Variants in HCCS observed in about 807,000 individuals in gnomAD.
HCCS encodes the protein holocytochrome c synthase, also known as holocytochrome c-type synthase.
In HCCS, 2 loss-of-function variants were observed where a neutral mutation model predicts 24.2. The ratio of observed to expected loss-of-function variants is 0.08; its 90% CI spans 0.03 to 0.26. The LOEUF (loss-of-function observed/expected upper bound fraction) is 0.26. Ranked by LOEUF, HCCS falls within the 10% of genes least tolerant of loss-of-function variation. The probability of loss-of-function intolerance (pLI) is 1.00; values close to 1 mark genes in which losing one functional copy is unlikely to be tolerated. For synonymous variants in HCCS, 73 were observed against 76.2 expected (o/e 0.96, Z 0.22); for missense variants, 150 against 213.3 (o/e 0.70, Z 1.85).
At chrX:11,116,306 A>G (rs772823586) in intron 3 of HCCS, 2 of 112,230 alleles carry the variant, frequency 1.8e-5, no homozygotes, top group African/African-American at 6.5e-5. Context: ...AGAGCTAAAG[A>G]TACTGAGAGT....
rs141046122 is a variant in HCCS, at chrX:11,117,758, A to G, written c.401+343A>G. 1.4e-3 allele frequency among the ~76,000 whole-genome samples: 153 copies of G among 112,026 alleles called. 1 individual carries two copies. Among genetic ancestry groups the G allele is most frequent in the Admixed American group, 3.4e-3 (36 of 10,576 alleles). ...GGAGACCGAGGAGAGCCGATGGCAC[A>G]CTTCTGGTCTGAAAGCCAGCGGTCT... On this transcript the variant is annotated intron_variant, in intron 4 of 6. Coordinates refer to ENST00000380762, the MANE Select transcript of HCCS (RefSeq NM_005333.5).
intron 5 of HCCS, among the ~76,000 whole-genome samples, chrX:11,120,353 G>A (rs1379380698): frequency 9.0e-6 from 1 of 111,609 alleles, no homozygotes; most frequent in East Asian, 2.8e-4. Flanking sequence ...AGGGGTCTGC[G>A]GGTAGAGGGA....
intron 2 of HCCS, among the ~76,000 whole-genome samples, chrX:11,112,856 T>C (rs2045421303): frequency 8.9e-6 from 1 of 112,135 alleles, no homozygotes; most frequent in African/African-American, 3.2e-5. Context: ...GAGAGGAAAG[T>C]GAATAGAGGG....
At chrX:11,119,822 C>T (rs771221272) in intron 5 of HCCS, among the ~76,000 whole-genome samples, 31 of 112,051 alleles carry the variant, frequency 2.8e-4, no homozygotes, top group African/African-American at 1.0e-3. Context: ...TAATTAAGAC[C>T]ACCTGCTAAT....
Position 11,119,229 on chromosome X carries a change from C to T in HCCS, c.521+609C>T, listed in dbSNP as rs148020912. Among the ~76,000 whole-genome samples, 173 of 111,884 alleles carry T rather than the reference C, an allele frequency of 1.5e-3. 1 individual carries two copies. The highest frequency in any genetic ancestry group is 9.3e-3 in the Middle Eastern group (2 of 214). The stretch of plus-strand genomic sequence containing the variant: ...TCTGCCCCAAGGGAGGTGGGAAAGA[C>T]ATTTTTGTTCCCTCAATAGCATTTA... On this transcript the variant is annotated intron_variant, in intron 5 of 6. Transcript: ENST00000380762.
intron 5 of HCCS, chrX:11,119,920 G>T: frequency 3.7e-6 from 1 of 271,489 alleles, no homozygotes; most frequent in Admixed American, 4.6e-5. Context: ...TTTTCTGGAC[G>T]GTCAAAATTA....
intron 5 of HCCS, chrX:11,120,159 C>A: frequency 4.3e-6 from 1 of 233,700 alleles, no homozygotes; most frequent in Non-Finnish European, 8.0e-6. Context: ...ATGGGAGCAG[C>A]TAACAATATA....
chrX:11,118,480 T>A, intron 4 of HCCS, 21 bp from the exon 5 acceptor site: 1 of 1,187,304 alleles, frequency 8.4e-7, no homozygotes, highest in Non-Finnish European at 1.1e-6. Context: ...TTGTCAAATT[T>A]TACCAAATAT....
In HCCS at chrX:11,121,005, C is replaced by A; in HGVS notation, c.608+12C>A. On this transcript the variant is annotated intron_variant, in intron 6 of 6. Coordinates refer to ENST00000380762, the MANE Select transcript of HCCS (RefSeq NM_005333.5). ...CGTTCCTGGATGGGGTGAGTGTCAG[C>A]GCAGAAGTGTTGTTTCACCATCCTC... 3.4e-6 allele frequency: 4 copies of A among 1,169,057 alleles called. No individual in the cohort carries two copies. The highest frequency in any genetic ancestry group is 4.7e-6 in the Non-Finnish European group (4 of 856,460).
At chrX:11,116,559 A>G (rs1255771312) in intron 3 of HCCS, among the ~76,000 whole-genome samples, 4 of 113,111 alleles carry the variant, frequency 3.5e-5, no homozygotes, top group Admixed American at 9.3e-5. Context: ...GTTCAAGGCC[A>G]GTCATTCCCA....
At chrX:11,116,549 G>C (rs906480646) in intron 3 of HCCS, among the ~76,000 whole-genome samples, 2 of 112,983 alleles carry the variant, frequency 1.8e-5, no homozygotes, top group African/African-American at 6.4e-5. Context: ...AACACAGAAA[G>C]TTCAAGGCCA....
In HCCS at chrX:11,122,973, G is replaced by A. The variant is rs1488255787; in HGVS notation, c.*1163G>A. On this transcript the variant is annotated 3_prime_UTR_variant, in exon 7 of 7. Transcript: ENST00000380762. ...TGGCAGTCTGTGGGTGATTAATTTG[G>A]TATGGATTTGTCAGTTTTGTGTGGA... is the stretch of plus-strand genomic sequence containing the variant. 2 of 110,943 alleles carry A rather than the reference G, an allele frequency of 1.8e-5. No homozygotes were observed. The highest frequency in any genetic ancestry group is 2.8e-4 in the East Asian group (1 of 3,539). 9.1% of individuals were successfully genotyped at this position (110,943 alleles called of 1,213,427 possible).
At chrX:11,113,048 A>G (rs1419615446) in intron 2 of HCCS, among the ~76,000 whole-genome samples, 1 of 113,094 alleles carries the variant, frequency 8.8e-6, no homozygotes, top group Non-Finnish European at 1.9e-5. Flanking sequence ...GCCATCACTT[A>G]ACGGGCTTGC....
chrX:11,114,734 T>G, intron 2 of HCCS, 101 bp from the exon 3 acceptor site: 1 of 722,641 alleles, frequency 1.4e-6, no homozygotes, highest in Non-Finnish European at 2.2e-6. Flanking sequence ...TTTCCTATGG[T>G]GGTAATCATT....
In HCCS at chrX:11,112,216, G is replaced by A. The variant is rs748486493; in HGVS notation, c.100+56G>A. The A allele has an allele frequency of 8.6e-5, 80 of 929,535 alleles. No individual in the cohort carries two copies. The African/African-American group carries it at 1.3e-3, about 15-fold the overall frequency. The allele number at this position is 929,535 out of a possible 1,213,427, so 76.6% of individuals were successfully genotyped here. On this transcript the variant is annotated intron_variant, in intron 2 of 6. Transcript: ENST00000380762. The stretch of plus-strand genomic sequence containing the variant: ...CAAAAGATAATTCACGGCTGGGTGC[G>A]GTGGTTCACGCCTGTGACAGCACTT...
Position 11,121,774 on chromosome X carries a change from C to T in HCCS, c.771C>T (p.Asp257=). 1 of 1,211,053 alleles carries T rather than the reference C, an allele frequency of 8.3e-7. No individual in the cohort carries two copies. Among genetic ancestry groups the T allele is most frequent in the Non-Finnish European group, 1.1e-6 (1 of 894,861 alleles). ...TAGATTCACTTTCGGCAGTATGGGA[C>T]AGAATGAAAGTCGCTTGGTGGCGTT... The part of the protein sequence containing the change: ...PALDSLSAVW[D]RMKVAWWRWT... The change falls in exon 7 of 7, where the codon GAC becomes GAT. Residue 257 remains aspartate (D), a synonymous_variant. Coordinates refer to ENST00000380762, the MANE Select transcript of HCCS (RefSeq NM_005333.5).
At position 11,112,150 on chromosome X, in the gene HCCS, GA is replaced by G; in HGVS notation, c.94del (p.Met32Ter). ...CTTCAGGATGCCCGATGCATGAAGG[GA>G]AAATGAAAGGTAATCGGCCCTTTGC... ...PPSGCPMHEGKMKGCPVNTEP... is the reference protein window; with the variant it reads ...PPSGCPMHEGXMKGCPVNTEP... On this transcript the variant is annotated frameshift_variant, in exon 2 of 7. Coordinates refer to ENST00000380762, the MANE Select transcript of HCCS (RefSeq NM_005333.5). LOFTEE classifies it high-confidence loss of function. 8.4e-7 allele frequency: 1 copy of G among 1,190,790 alleles called. No individual in the cohort carries two copies. Among genetic ancestry groups the G allele is most frequent in the Non-Finnish European group, 1.1e-6 (1 of 876,395 alleles).
chrX:11,113,253 T>A (rs1262681051), intron 2 of HCCS, among the ~76,000 whole-genome samples: 1 of 112,400 alleles, frequency 8.9e-6, no homozygotes, highest in Non-Finnish European at 1.9e-5. Context: ...CAGCCTATTC[T>A]GAGAGGTCAC....
In HCCS at chrX:11,123,053, A is replaced by T. The variant is rs1389482634; in HGVS notation, c.*1243A>T. ...ACATTTCAAAATACTTGTATATTTTAAAATAAAGCTGATTAGTTCACAGGT... is the reference window on the plus strand; with the variant it reads ...ACATTTCAAAATACTTGTATATTTTTAAATAAAGCTGATTAGTTCACAGGT... On this transcript the variant is annotated 3_prime_UTR_variant, in exon 7 of 7. Transcript: ENST00000380762. 8.9e-6 allele frequency: 1 copy of T among 111,987 alleles called. No individual in the cohort carries two copies. Among genetic ancestry groups the T allele is most frequent in the Non-Finnish European group, 1.9e-5 (1 of 53,274 alleles). 9.2% of individuals were successfully genotyped at this position (111,987 alleles called of 1,213,427 possible). A position where few individuals can be genotyped will look rare whatever the true frequency, so the allele number is the denominator to read the frequency against.
Sources: allele counts gnomAD v4.1 joint callset (sites outside exome capture counted in the v4.1 genomes callset), GRCh38; gene constraint gnomAD v4.1.1; transcripts MANE v1.5; gene names NCBI Gene and HGNC (gene_info 2026-07-23, HGNC 2026-07-21).